Variants in CCDC92B observed in about 807,000 individuals in gnomAD.
CCDC92B encodes the protein coiled-coil domain-containing 92B.
Under a neutral mutation model 5.6 loss-of-function variants are expected in CCDC92B, and 2 were observed. The observed-to-expected ratio is 0.36, with a 90% CI of 0.15 to 1.12. The LOEUF is 1.12. Among genes scored for constraint, CCDC92B ranks in the 50% most tolerant of loss-of-function variants. The pLI is 0.40. For synonymous variants in CCDC92B, 115 were observed against 122.3 expected (o/e 0.94, Z 0.39); for missense variants, 271 against 262.2 (o/e 1.03, Z -0.23).
chr17:2,748,031 T>A, intron 1 of CCDC92B: 1 of 477,542 alleles, frequency 2.1e-6, no homozygotes, highest in Non-Finnish European at 4.2e-6. Context: ...GCAACTACAG[T>A]GCCTGGCAAC....
chr17:2,726,638 G>A (rs1432287212), intron 3 of CCDC92B, among the ~76,000 whole-genome samples: 2 of 151,828 alleles, frequency 1.3e-5, no homozygotes, highest in Admixed American at 1.3e-4. Flanking sequence ...TGTTGAGGCA[G>A]AGTCTCACTC....
rs570715160 is a variant in CCDC92B, at chr17:2,746,551, C to T, written c.-24+2860G>A. 2.2e-3 allele frequency among the ~76,000 whole-genome samples: 330 copies of T among 152,176 alleles called. 2 individuals carry two copies. Among genetic ancestry groups the T allele is most frequent in the Non-Finnish European group, 3.0e-3 (203 of 68,014 alleles). ...GGCACAGTTGGGACTCTCTGAGGTC[C>T]GGGCTCCTGATCCCTGAAAATGACC... is the stretch of plus-strand genomic sequence containing the variant. On this transcript the variant is annotated intron_variant, in intron 1 of 3. Coordinates refer to ENST00000614400, the MANE Select transcript of CCDC92B (RefSeq NM_001355573.2).
chr17:2,747,455 G>A (rs879768090), intron 1 of CCDC92B, among the ~76,000 whole-genome samples: 2 of 152,098 alleles, frequency 1.3e-5, no homozygotes, highest in African/African-American at 2.4e-5. Context: ...GGTCAGGTGC[G>A]GTGGCTCACG....
intron 1 of CCDC92B, among the ~76,000 whole-genome samples, chr17:2,740,316 G>T (rs1202000082): frequency 6.6e-6 from 1 of 151,868 alleles, no homozygotes; most frequent in Non-Finnish European, 1.5e-5. Context: ...CCAATCAGTT[G>T]ACTTTGATTT....
chr17:2,749,096 G>A (rs150595273), intron 1 of CCDC92B, among the ~76,000 whole-genome samples: 62 of 152,320 alleles, frequency 4.1e-4, no homozygotes, highest in Admixed American at 7.2e-4. Context: ...GGGATGTGGA[G>A]ACTAAGGAGG....
chr17:2,724,463 G>C lies in CCDC92B; in HGVS notation c.716C>G (p.Ala239Gly). 2 of 983,324 alleles carry C rather than the reference G, an allele frequency of 2.0e-6. No individual in the cohort carries two copies. Among genetic ancestry groups the C allele is most frequent in the Non-Finnish European group, 2.4e-6 (2 of 829,014 alleles). 60.9% of individuals were successfully genotyped at this position (983,324 alleles called of 1,614,324 possible). ...QPPPQEPPDR[A>G]GPQPAPSQPS... ...CTGGCTGGGCGCGGGCTGCGGGCCG[G>C]CTCGGTCCGGGGGCTCCTGGGGAGG... The change falls in exon 4 of 4, where the codon GCC becomes GGC. Residue 239 changes from alanine (A) to glycine (G), a missense_variant. Ala to Gly is a moderately conservative substitution (Grantham distance 60). Transcript: ENST00000614400. The surrounding 1 kb of genome is among the most constrained non-coding windows in gnomAD (Gnocchi z 5.0).
rs1004386661 is a variant in CCDC92B, at chr17:2,749,599, AG to A, written c.-213del. 1.0e-5 allele frequency: 1 copy of A among 99,514 alleles called. No homozygotes were observed. Among genetic ancestry groups the A allele is most frequent in the Non-Finnish European group, 2.0e-5 (1 of 50,906 alleles). The allele number at this position is 99,514 out of a possible 1,614,324, so 6.2% of individuals were successfully genotyped here. On this transcript the variant is annotated 5_prime_UTR_variant, in exon 1 of 4. Coordinates refer to ENST00000614400, the MANE Select transcript of CCDC92B (RefSeq NM_001355573.2). ...GCTCCGGGGGGCTCGGGGGCGCCGA[AG>A]GGGGGTCGGGGGCGGGCTCGAGGCG...
chr17:2,741,064 A>G (rs2070921687), intron 1 of CCDC92B, among the ~76,000 whole-genome samples: 1 of 151,798 alleles, frequency 6.6e-6, no homozygotes, highest in Admixed American at 6.6e-5. Context: ...TGTTTATGAT[A>G]ATTTGTTACA....
intron 1 of CCDC92B, among the ~76,000 whole-genome samples, chr17:2,747,721 C>G (rs1175287073): frequency 6.6e-6 from 1 of 152,130 alleles, no homozygotes; most frequent in African/African-American, 2.4e-5. Context: ...GAGCAAAACT[C>G]TATCTCAAAA....
At position 2,724,240 on chromosome 17, in the gene CCDC92B, G is replaced by C. The variant is rs1293991619; in HGVS notation, c.*171C>G. The C allele has an allele frequency of 1.0e-6, 1 of 985,180 alleles. No individual in the cohort carries two copies. Among genetic ancestry groups the C allele is most frequent in the Non-Finnish European group, 1.2e-6 (1 of 829,816 alleles). The allele number at this position is 985,180 out of a possible 1,614,324, so 61.0% of individuals were successfully genotyped here. A position where few individuals can be genotyped will look rare whatever the true frequency, so the allele number is the denominator to read the frequency against. On this transcript the variant is annotated 3_prime_UTR_variant, in exon 4 of 4. Transcript: ENST00000614400. The surrounding 1 kb of genome is among the most constrained non-coding windows in gnomAD (Gnocchi z 5.0). ...GGGCTCGAAGCTTTGGAAACGTCGG[G>C]AAGTACAAAAGGCTGGCGGTTCGGG...
intron 1 of CCDC92B, among the ~76,000 whole-genome samples, chr17:2,741,570 T>C (rs1431528477): frequency 6.7e-6 from 1 of 150,292 alleles, no homozygotes; most frequent in Admixed American, 6.6e-5. Context: ...TCCTAGCTAC[T>C]TGGGAGGCCG....
chr17:2,748,887 C>G (rs1460332506), intron 1 of CCDC92B, among the ~76,000 whole-genome samples: 1 of 152,122 alleles, frequency 6.6e-6, no homozygotes, highest in African/African-American at 2.4e-5. Context: ...ACTCCGGAGC[C>G]CCTCCCCGCC....
intron 3 of CCDC92B, among the ~76,000 whole-genome samples, chr17:2,727,139 C>T (rs74642117): frequency 0.078 from 11,861 of 152,206 alleles, 1,016 homozygotes; most frequent in African/African-American, 0.21. Context: ...GCCTCAGCCT[C>T]ATAAAGTGCT....
At chr17:2,745,501 A>G (rs1161578702) in intron 1 of CCDC92B, among the ~76,000 whole-genome samples, 4 of 152,022 alleles carry the variant, frequency 2.6e-5, no homozygotes, top group Admixed American at 6.6e-5. Flanking sequence ...TGCTTTTCTC[A>G]GGGAGGAAAT....
rs1349314070 is a variant in CCDC92B, at chr17:2,724,848, G to C, written c.331C>G (p.Arg111Gly). Residue 111 changes from arginine to glycine, a missense_variant, in exon 4 of 4, where the codon CGC becomes GGC. Arg to Gly is a moderately radical substitution (Grantham distance 125). Transcript: ENST00000614400. The surrounding 1 kb of genome is among the most constrained non-coding windows in gnomAD (Gnocchi z 5.0). ...LRCSLRTEER[R>G]FLEELRRRSH... ...CGGCGGCGCAGCTCCTCCAGGAAGC[G>C]GCGCTCCTCGGTGCGCAGGCTGCAG... 3 of 985,006 alleles carry C rather than the reference G, an allele frequency of 3.0e-6. No homozygotes were observed. In the African/African-American group the frequency reaches 5.2e-5, roughly 17 times the overall value. The allele number at this position is 985,006 out of a possible 1,614,324, so 61.0% of individuals were successfully genotyped here. A position where few individuals can be genotyped will look rare whatever the true frequency, so the allele number is the denominator to read the frequency against.
At chr17:2,726,049 C>G (rs2070725355) in intron 3 of CCDC92B, among the ~76,000 whole-genome samples, 1 of 132,376 alleles carries the variant, frequency 7.6e-6, no homozygotes, top group South Asian at 2.4e-4. Context: ...GGCTGGAGTG[C>G]AAGTGGTGCA....
In CCDC92B at chr17:2,724,160, T is replaced by C. The variant is rs1421541557; in HGVS notation, c.*251A>G. 1.2e-5 allele frequency: 12 copies of C among 985,026 alleles called. No individual in the cohort carries two copies. The highest frequency in any genetic ancestry group is 1.3e-5 in the Non-Finnish European group (11 of 829,870). The allele number at this position is 985,026 out of a possible 1,614,324, so 61.0% of individuals were successfully genotyped here. On this transcript the variant is annotated 3_prime_UTR_variant, in exon 4 of 4. Transcript: ENST00000614400. The surrounding 1 kb of genome is among the most constrained non-coding windows in gnomAD (Gnocchi z 5.0). ...GCCAGGATCGGGACGGCGAGTCCTC[T>C]CGGTAGAGAAGGTGCCCCCGCTCGG...
At chr17:2,739,169 C>T (rs936770333) in intron 1 of CCDC92B, among the ~76,000 whole-genome samples, 12 of 151,258 alleles carry the variant, frequency 7.9e-5, no homozygotes, top group South Asian at 4.2e-4. Context: ...AGATCGAGAC[C>T]ATCCTGGCTA....
intron 1 of CCDC92B, among the ~76,000 whole-genome samples, chr17:2,747,695 C>A (rs1360105183): frequency 6.6e-6 from 1 of 152,128 alleles, no homozygotes; most frequent in Non-Finnish European, 1.5e-5. Flanking sequence ...CCACTGCACT[C>A]CAACCTGGGC....
Sources: allele counts gnomAD v4.1 joint callset (sites outside exome capture counted in the v4.1 genomes callset), GRCh38; gene constraint gnomAD v4.1.1; non-coding constraint Gnocchi (gnomAD v3.1); transcripts MANE v1.5; gene names NCBI Gene and HGNC (gene_info 2026-07-23, HGNC 2026-07-21).